Variants in ABI3BP observed in about 807,000 individuals in gnomAD.
The protein encoded by ABI3BP is target of Nesh-SH3.
In ABI3BP, 216 loss-of-function variants were observed where a neutral mutation model predicts 268.6. The observed-to-expected ratio is 0.80, with a 90% CI of 0.72 to 0.90. The LOEUF (loss-of-function observed/expected upper bound fraction) is 0.90, where lower values mean the gene tolerates loss of function less well. Among genes scored for constraint, ABI3BP ranks in the 40% least tolerant of loss-of-function variants. The pLI is 0.00. For missense variants in ABI3BP, 2,090 were observed against 2,182.4 expected (o/e 0.96, Z 0.84); for synonymous variants, 730 against 730.0 (o/e 1.00, Z 0.00).
chr3:100,989,819 G>T (rs573129581), intron 1 of ABI3BP, among the ~76,000 whole-genome samples: 2 of 152,278 alleles, frequency 1.3e-5, no homozygotes, highest in African/African-American at 2.4e-5. Flanking sequence ...AAGAAAAAAG[G>T]CCAATGGTGC....
At chr3:100,939,678 C>T (rs748230215) in intron 1 of ABI3BP, among the ~76,000 whole-genome samples, 6 of 152,078 alleles carry the variant, frequency 3.9e-5, no homozygotes, top group Middle Eastern at 3.4e-3. Context: ...ACCACAGGAC[C>T]GGGGAGAAAT....
chr3:100,897,096 TAAG>T (rs5851236), intron 4 of ABI3BP, among the ~76,000 whole-genome samples: 126,650 of 151,730 alleles, frequency 0.83, 53,087 homozygotes, highest in East Asian at 1. Flanking sequence ...AAAAGCACAT[TAAG>T]AAGTATGCAA....
intron 62 of ABI3BP, among the ~76,000 whole-genome samples, chr3:100,768,732 G>A (rs1391258724): frequency 6.6e-6 from 1 of 152,046 alleles, no homozygotes; most frequent in Non-Finnish European, 1.5e-5. Flanking sequence ...GGAAACTAAG[G>A]CTCAAACAGT....
In ABI3BP at chr3:100,802,904, T is replaced by C. The variant is rs1331749442; in HGVS notation, c.3757+1888A>G. Among the ~76,000 whole-genome samples the C allele has an allele frequency of 2.8e-5, 4 of 142,724 alleles. 1 individual carries two copies. The highest frequency in any genetic ancestry group is 2.5e-4 in the South Asian group (1 of 3,978). 93.6% of individuals were successfully genotyped at this position (142,724 alleles called of 152,430 possible). A position where few individuals can be genotyped will look rare whatever the true frequency, so the allele number is the denominator to read the frequency against. ...CCCACAGGACCTGGTAAACAAAGTA[T>C]TGGGTTCATTAGGGTGTGAATTTGA... On this transcript the variant is annotated intron_variant, in intron 51 of 67. Coordinates refer to ENST00000471714, the MANE Select transcript of ABI3BP (RefSeq NM_001375547.2).
At chr3:100,851,759 T>C in intron 15 of ABI3BP, 116 bp downstream of exon 15, 1 of 805,058 alleles carries the variant, frequency 1.2e-6, no homozygotes, top group South Asian at 1.9e-5. Flanking sequence ...AGGTAGAAAT[T>C]TCTCCCATGC....
intron 1 of ABI3BP, among the ~76,000 whole-genome samples, chr3:100,978,006 T>C (rs1480364815): frequency 6.6e-6 from 1 of 152,154 alleles, no homozygotes; most frequent in African/African-American, 2.4e-5. Flanking sequence ...TCTAGACAGC[T>C]CTTAAGTTTT....
At chr3:100,912,674 A>T (rs1246577376) in intron 2 of ABI3BP, among the ~76,000 whole-genome samples, 1 of 152,236 alleles carries the variant, frequency 6.6e-6, no homozygotes, top group Non-Finnish European at 1.5e-5. Context: ...TCTAAATTTA[A>T]GCATCCTCTA....
chr3:100,782,588 C>G (rs746469160), intron 57 of ABI3BP, among the ~76,000 whole-genome samples: 2 of 151,700 alleles, frequency 1.3e-5, no homozygotes, highest in Non-Finnish European at 2.9e-5. Flanking sequence ...GGGCAGGAGA[C>G]TGAGCTCTTA....
intron 1 of ABI3BP, among the ~76,000 whole-genome samples, chr3:100,928,527 G>C (rs139872699): frequency 7.0e-4 from 106 of 152,172 alleles, no homozygotes; most frequent in African/African-American, 2.4e-3. Flanking sequence ...AAGTTGTGGG[G>C]ATTATTCATA....
At chr3:100,914,377 C>T (rs955155259) in intron 2 of ABI3BP, 46 of 444,722 alleles carry the variant, frequency 1.0e-4, no homozygotes, top group Middle Eastern at 3.3e-4. Context: ...ATGCAGTCTG[C>T]GGAACAGGCC....
chr3:100,807,052 A>G (rs1166426654), intron 50 of ABI3BP, among the ~76,000 whole-genome samples: 10 of 151,842 alleles, frequency 6.6e-5, no homozygotes, highest in African/African-American at 2.4e-4. Flanking sequence ...AGTATTTTTC[A>G]TCTTTTATAG....
At chr3:100,847,732 C>G (rs2098788639) in intron 18 of ABI3BP, 59 bp from the exon 19 acceptor site, 1 of 1,364,384 alleles carries the variant, frequency 7.3e-7, no homozygotes, top group African/African-American at 1.4e-5. Flanking sequence ...AAGACACCCT[C>G]TAAAGAGGAA....
In ABI3BP at chr3:100,898,881, A is replaced by G. The variant is rs1320632170; in HGVS notation, c.342T>C (p.Ser114=). 5.6e-6 allele frequency: 9 copies of G among 1,610,488 alleles called. No individual in the cohort carries two copies. Among genetic ancestry groups the G allele is most frequent in the African/African-American group, 1.3e-5 (1 of 74,766 alleles). ...QKKSCSGKTR[S]RKPLQLVVGT... ...CAACCACCAGCTGCAGAGGTTTGCG[A>G]GAACGAGTTTTACCTGTGGAGGTGG... The change falls in exon 4 of 68, where the codon TCT becomes TCC. Residue 114 remains serine, a synonymous_variant. Coordinates refer to ENST00000471714, the MANE Select transcript of ABI3BP (RefSeq NM_001375547.2).
chr3:100,812,696 G>A (rs901939879), intron 45 of ABI3BP, among the ~76,000 whole-genome samples, 173 bp from the exon 46 acceptor site: 4 of 151,974 alleles, frequency 2.6e-5, no homozygotes, highest in Middle Eastern at 3.2e-3. Context: ...ACTACTGTAC[G>A]TTACCATTAA....
chr3:100,880,080 T>G (rs1237796704), intron 6 of ABI3BP, among the ~76,000 whole-genome samples: 1 of 152,214 alleles, frequency 6.6e-6, no homozygotes, highest in Non-Finnish European at 1.5e-5. Flanking sequence ...GTACAATGTT[T>G]TAAAAAAACA....
At chr3:100,816,018 T>TAA in intron 43 of ABI3BP, 47 bp from the exon 44 acceptor site, 1 of 1,359,222 alleles carries the variant, frequency 7.4e-7, no homozygotes, top group Non-Finnish European at 9.8e-7. Flanking sequence ...AAAGACTTTT[T>TAA]AAAAAAAATC....
intron 6 of ABI3BP, among the ~76,000 whole-genome samples, chr3:100,879,751 T>C (rs1292155966): frequency 6.6e-6 from 1 of 152,204 alleles, no homozygotes; most frequent in Non-Finnish European, 1.5e-5. Context: ...TGCAATTTTT[T>C]TTCTAGGCCT....
chr3:100,911,423 T>A (rs1378235094), intron 2 of ABI3BP: 2 of 285,534 alleles, frequency 7.0e-6, no homozygotes, highest in Non-Finnish European at 1.3e-5. Context: ...GCTCATCTCC[T>A]TTTTTCCAAT....
At chr3:100,795,197 A>C (rs924701243) in intron 53 of ABI3BP, among the ~76,000 whole-genome samples, 194 bp from the exon 54 acceptor site, 7 of 152,078 alleles carry the variant, frequency 4.6e-5, no homozygotes, top group African/African-American at 1.7e-4. Context: ...ACCAGGACAC[A>C]TACTACATGA....
Sources: gnomAD v4.1 joint callset for allele counts (sites outside exome capture counted in the v4.1 genomes callset) on GRCh38, gnomAD v4.1.1 for gene constraint, MANE v1.5 for transcripts, NCBI Gene and HGNC (gene_info 2026-07-23, HGNC 2026-07-21) for gene names.